CCDC170: variants seen among roughly 807,000 people sequenced by gnomAD.
CCDC170 encodes coiled-coil domain-containing protein 170.
CCDC170 carries 69 observed loss-of-function variants against 72.6 expected under a neutral mutation model. The observed-to-expected ratio is 0.95, with a 90% confidence interval of 0.78 to 1.16. CCDC170 has a LOEUF of 1.16. Ranked by LOEUF, CCDC170 falls within the 50% of genes most tolerant of loss-of-function variation. The pLI is 0.00. For synonymous variants in CCDC170, 300 were observed against 303.9 expected (o/e 0.99, Z 0.13); for missense variants, 852 against 832.5 (o/e 1.02, Z -0.29).
intron 5 of CCDC170, among the ~76,000 whole-genome samples, chr6:151,572,036 A>G (rs938162741): frequency 1.3e-5 from 2 of 152,074 alleles, no homozygotes; most frequent in Admixed American, 6.6e-5. Context: ...TTTATTTTAT[A>G]TAAGATGGGG....
chr6:151,596,634 T>C, intron 9 of CCDC170, 57 bp downstream of exon 9: 1 of 1,589,030 alleles, frequency 6.3e-7, no homozygotes, highest in South Asian at 1.1e-5. Flanking sequence ...CAATGTTTTA[T>C]GCAAAAGAAT....
chr6:151,610,219 G>A (rs909753000), intron 9 of CCDC170, among the ~76,000 whole-genome samples: 10 of 151,968 alleles, frequency 6.6e-5, no homozygotes, highest in Admixed American at 3.3e-4. Flanking sequence ...ATGTTTAATG[G>A]TCTACAGAAT....
intron 10 of CCDC170, among the ~76,000 whole-genome samples, chr6:151,617,408 CTTTTTTTTTTTTTTTTTTT>C (rs745655791): frequency 2.7e-4 from 25 of 91,468 alleles, no homozygotes; most frequent in African/African-American, 7.8e-4. Context: ...GCTGTTTGTT[CTTTTTTTTTTTTTTTTTTT>C]TTTTTTTTTT....
intron 9 of CCDC170, among the ~76,000 whole-genome samples, chr6:151,613,172 G>A (rs1292799805): frequency 2.0e-5 from 3 of 152,186 alleles, no homozygotes; most frequent in Non-Finnish European, 2.9e-5. Context: ...GGGAGGCTGA[G>A]GCGAGAGGAT....
In CCDC170 at chr6:151,585,868, GA is replaced by G. The variant is rs764669704; in HGVS notation, c.1093-20del. On this transcript the variant is annotated intron_variant, in intron 6 of 10. Coordinates refer to ENST00000239374, the MANE Select transcript of CCDC170 (RefSeq NM_025059.4). ...TGCATCTGAAACAAGGCTTATTCTTGATCTGTTTCTTTGTTTCCAGATGGTC... is the reference window on the plus strand; with the variant it reads ...TGCATCTGAAACAAGGCTTATTCTTGTCTGTTTCTTTGTTTCCAGATGGTC... 8.1e-6 allele frequency: 13 copies of G among 1,608,932 alleles called. No homozygotes were observed. Among genetic ancestry groups the G allele is most frequent in the African/African-American group, 1.3e-5 (1 of 74,834 alleles).
chr6:151,585,959 A>C lies in CCDC170; in HGVS notation c.1163A>C (p.Gln388Pro). ...TTGGGAAAGGAGTCTGGGTTTCACC[A>C]GAAAGCTCTCCAGAGGGCCCAGAAA... ...EQLGKESGFH[Q>P]KALQRAQKAE... is the part of the protein sequence containing the mutation. Residue 388 changes from glutamine to proline, a missense_variant, in exon 7 of 11, where the codon CAG (glutamine) becomes CCG (proline). Coordinates refer to ENST00000239374, the MANE Select transcript of CCDC170 (RefSeq NM_025059.4). 1 of 1,614,054 alleles carries C rather than the reference A, an allele frequency of 6.2e-7. No homozygotes were observed. Among genetic ancestry groups the C allele is most frequent in the South Asian group, 1.1e-5 (1 of 91,030 alleles).
chr6:151,615,546 A>G lies in CCDC170; in HGVS notation c.1814A>G (p.Lys605Arg), dbSNP rs962329917. Residue 605 changes from lysine (K) to arginine (R), a missense_variant, in exon 10 of 11, where the codon AAG becomes AGG. By Grantham distance (26) the Lys-to-Arg change is conservative. Transcript: ENST00000239374. ...EKAEKKLMSV[K>R]SELDTTEHEA... Reference sequence around the variant, plus strand: ...GCTGAGAAAAAGCTCATGTCTGTCAAGTCAGAACTGGATACCACAGAACAT... The same window carrying G: ...GCTGAGAAAAAGCTCATGTCTGTCAGGTCAGAACTGGATACCACAGAACAT... The G allele has an allele frequency of 6.2e-7, 1 of 1,614,150 alleles. No individual in the cohort carries two copies. Among genetic ancestry groups the G allele is most frequent in the Non-Finnish European group, 8.5e-7 (1 of 1,179,978 alleles).
At chr6:151,601,063 G>A (rs1776701724) in intron 9 of CCDC170, among the ~76,000 whole-genome samples, 1 of 152,162 alleles carries the variant, frequency 6.6e-6, no homozygotes, top group African/African-American at 2.4e-5. Context: ...ACCCGAGACT[G>A]GGCAATTTCC....
At chr6:151,536,246 T>C in intron 1 of CCDC170, 72 bp from the exon 2 acceptor site, 1 of 1,565,106 alleles carries the variant, frequency 6.4e-7, no homozygotes, top group Middle Eastern at 1.7e-4. Flanking sequence ...TTAATCTGGC[T>C]TTGTGCAGCT....
chr6:151,533,254 C>T (rs558054449), intron 1 of CCDC170, among the ~76,000 whole-genome samples: 1 of 151,592 alleles, frequency 6.6e-6, no homozygotes, highest in South Asian at 2.1e-4. Flanking sequence ...CGGGGTTTCA[C>T]CATGTTAGCC....
intron 9 of CCDC170, among the ~76,000 whole-genome samples, chr6:151,610,882 T>G (rs1159102921): frequency 1.3e-5 from 2 of 152,252 alleles, no homozygotes; most frequent in Non-Finnish European, 2.9e-5. Context: ...GTTGTTCTTA[T>G]GCCTTCTTGA....
At chr6:151,499,915 C>T (rs1055027552) in intron 1 of CCDC170, among the ~76,000 whole-genome samples, 11 of 152,290 alleles carry the variant, frequency 7.2e-5, no homozygotes, top group South Asian at 4.1e-4. Context: ...AATGAGTGAA[C>T]CAATATCTCT....
chr6:151,616,613 G>A (rs1377462771), intron 10 of CCDC170, among the ~76,000 whole-genome samples: 4 of 152,174 alleles, frequency 2.6e-5, no homozygotes, highest in Non-Finnish European at 2.9e-5. Context: ...AAGTCTGAGA[G>A]AAACTTTTTC....
chr6:151,536,417 T>G lies in CCDC170; in HGVS notation c.157T>G (p.Leu53Val). 6.2e-7 allele frequency: 1 copy of G among 1,613,924 alleles called. No homozygotes were observed. Among genetic ancestry groups the G allele is most frequent in the Non-Finnish European group, 8.5e-7 (1 of 1,179,938 alleles). The change falls in exon 2 of 11, where the codon TTG becomes GTG. Residue 53 changes from leucine (L) to valine (V), a missense_variant. Leu to Val is a conservative substitution (Grantham distance 32). Coordinates refer to ENST00000239374, the MANE Select transcript of CCDC170 (RefSeq NM_025059.4). ...QNARSELAAT[L>V]VKFECAQSEL... is the part of the protein sequence containing the mutation. ...TGCTCGAAGTGAACTTGCAGCAACT[T>G]TGGTCAAATTTGAATGTGCTCAGTC...
intron 1 of CCDC170, among the ~76,000 whole-genome samples, chr6:151,503,609 C>A (rs1176637861): frequency 6.6e-6 from 1 of 151,926 alleles, no homozygotes; most frequent in African/African-American, 2.4e-5. Flanking sequence ...TGCACCACCA[C>A]GCCCAGCAAA....
chr6:151,611,991 G>A (rs79928996), intron 9 of CCDC170, among the ~76,000 whole-genome samples: 2,220 of 152,216 alleles, frequency 0.015, 55 homozygotes, highest in African/African-American at 0.051. Context: ...TTACAGGTAT[G>A]AGCCACTGCG....
At chr6:151,581,226 C>T (rs1004452184) in intron 6 of CCDC170, among the ~76,000 whole-genome samples, 9 of 152,168 alleles carry the variant, frequency 5.9e-5, no homozygotes, top group Non-Finnish European at 1.0e-4. Context: ...TTTGATAGCG[C>T]TTTACCAACA....
chr6:151,495,399 TA>T lies in CCDC170; in HGVS notation c.57+1215del, dbSNP rs543561646. On this transcript the variant is annotated intron_variant, in intron 1 of 10. Coordinates refer to ENST00000239374, the MANE Select transcript of CCDC170 (RefSeq NM_025059.4). ...GTGGTATTTTTATATTATTAATATA[TA>T]TTTTTTTTGGTGAGCCCATTGAGAG... Among the ~76,000 whole-genome samples, 194 of 152,148 alleles carry T rather than the reference TA, an allele frequency of 1.3e-3. 2 individuals are homozygous for T. Among genetic ancestry groups the T allele is most frequent in the African/African-American group, 4.4e-3 (182 of 41,522 alleles).
rs1281897871 is a variant in CCDC170, at chr6:151,494,038, A to G, written c.-91A>G. ...CCCCGCGGTGTTTACCCGTTGCCCG[A>G]GGAGACACCCGCGCCACCCGCCGGC... On this transcript the variant is annotated 5_prime_UTR_variant, in exon 1 of 11. Transcript: ENST00000239374. 2 of 1,275,144 alleles carry G rather than the reference A, an allele frequency of 1.6e-6. No homozygotes were observed. Among genetic ancestry groups the G allele is most frequent in the Non-Finnish European group, 1.0e-6 (1 of 977,948 alleles). The allele number at this position is 1,275,144 out of a possible 1,614,324, so 79.0% of individuals were successfully genotyped here.
Sources: allele counts gnomAD v4.1 joint callset (sites outside exome capture counted in the v4.1 genomes callset), GRCh38; gene constraint gnomAD v4.1.1; transcripts MANE v1.5; gene names NCBI Gene and HGNC (gene_info 2026-07-23, HGNC 2026-07-21).